ENPEP: variants seen among roughly 807,000 people sequenced by gnomAD.
ENPEP encodes the protein glutamyl aminopeptidase.
ENPEP carries 103 observed loss-of-function variants against 114.5 expected under a neutral mutation model. That is an observed-to-expected ratio of 0.90 (90% CI 0.77 to 1.06). The LOEUF is 1.06. Ranked by LOEUF, ENPEP falls within the 50% of genes least tolerant of loss-of-function variation. ENPEP has a pLI of 0.00. For synonymous variants in ENPEP, 420 were observed against 422.0 expected (o/e 1.00, Z 0.06); for missense variants, 1,196 against 1,161.3 (o/e 1.03, Z -0.43).
chr4:110,541,715 T>C (rs536020127), intron 11 of ENPEP, among the ~76,000 whole-genome samples: 52 of 152,260 alleles, frequency 3.4e-4, no homozygotes, highest in African/African-American at 1.2e-3. Flanking sequence ...AGGCCAGGCT[T>C]TTATTTCCAG....
chr4:110,522,669 G>A (rs1726046441), intron 10 of ENPEP, among the ~76,000 whole-genome samples: 1 of 152,184 alleles, frequency 6.6e-6, no homozygotes, highest in African/African-American at 2.4e-5. Context: ...ATAAGTTAGT[G>A]TGGCATTAGA....
chr4:110,495,754 A>G (rs1724908971), intron 3 of ENPEP, among the ~76,000 whole-genome samples: 1 of 152,138 alleles, frequency 6.6e-6, no homozygotes, highest in South Asian at 2.1e-4. Context: ...TAAATAAATA[A>G]TAAATGGCAC....
chr4:110,561,290 G>A (rs1727668317), intron 19 of ENPEP, 116 bp from the exon 20 acceptor site: 2 of 1,029,686 alleles, frequency 1.9e-6, no homozygotes, highest in Non-Finnish European at 1.5e-6. Flanking sequence ...GCTCAACGTT[G>A]TGCAGTGATA....
At chr4:110,550,974 C>T (rs1727266910) in intron 17 of ENPEP, among the ~76,000 whole-genome samples, 1 of 151,824 alleles carries the variant, frequency 6.6e-6, no homozygotes, top group South Asian at 2.1e-4. Context: ...ATCATCTTGG[C>T]TGGGCACAGT....
rs1439659121 is a variant in ENPEP, at chr4:110,520,364, T to C, written c.1725T>C (p.Leu575=). The C allele has an allele frequency of 4.3e-6, 7 of 1,613,814 alleles. No individual in the cohort carries two copies. The highest frequency in any genetic ancestry group is 5.9e-6 in the Non-Finnish European group (7 of 1,179,856). ...RANPSQPPSD[L]GYTWNIPVKW... is the part of the protein sequence containing the mutation. ...ACCCTTCTCAGCCCCCTTCAGATCT[T>C]GGGTAAGGCTCTATAATGCATTGAA... The change falls in exon 10 of 20, where the codon CTT becomes CTC. Residue 575 remains leucine (L), a splice_region_variant and synonymous_variant. Coordinates refer to ENST00000265162, the MANE Select transcript of ENPEP (RefSeq NM_001977.4).
intron 10 of ENPEP, among the ~76,000 whole-genome samples, chr4:110,524,735 C>G (rs1317115087): frequency 6.6e-6 from 1 of 152,020 alleles, no homozygotes; most frequent in Non-Finnish European, 1.5e-5. Flanking sequence ...ATGTCATTTT[C>G]TCTACTTTGC....
rs1289687213 is a variant in ENPEP at position 110,563,278 on chromosome 4, TA to T, written c.*1724del. ...TCTGTTTTATGAAATTAATACATTTTAAAAGAAAAATGTTAGTTTAAGGGGG... is the reference window on the plus strand; with the variant it reads ...TCTGTTTTATGAAATTAATACATTTTAAAGAAAAATGTTAGTTTAAGGGGG... On this transcript the variant is annotated 3_prime_UTR_variant, in exon 20 of 20. Transcript: ENST00000265162. The T allele has an allele frequency of 6.6e-6, 1 of 152,140 alleles. No individual in the cohort carries two copies. The highest frequency in any genetic ancestry group is 6.5e-5 in the Admixed American group (1 of 15,272). The allele number at this position is 152,140 out of a possible 1,614,324, so 9.4% of individuals were successfully genotyped here. A position where few individuals can be genotyped will look rare whatever the true frequency, so the allele number is the denominator to read the frequency against.
At position 110,491,090 on chromosome 4, in the gene ENPEP, A is replaced by G; in HGVS notation, c.844A>G (p.Met282Val). 2 of 1,612,820 alleles carry G rather than the reference A, an allele frequency of 1.2e-6. No homozygotes were observed. The highest frequency in any genetic ancestry group is 1.7e-6 in the Non-Finnish European group (2 of 1,179,954). Residue 282 changes from methionine (M) to valine (V), a missense_variant, in exon 3 of 20, where the codon ATG becomes GTG. Transcript: ENST00000265162. ...TRTTFEKSVP[M>V]STYLVCFAVH... ...AACAACTTTTGAGAAGTCTGTCCCC[A>G]TGAGCACGTACCTGGTGTGCTTTGC...
At chr4:110,535,421 C>T (rs1200634937) in intron 11 of ENPEP, among the ~76,000 whole-genome samples, 1 of 152,094 alleles carries the variant, frequency 6.6e-6, no homozygotes, top group Non-Finnish European at 1.5e-5. Context: ...AAGAGGGAAG[C>T]ACTTTCTTCA....
At chr4:110,482,098 C>G (rs2110331577) in intron 1 of ENPEP, among the ~76,000 whole-genome samples, 1 of 152,236 alleles carries the variant, frequency 6.6e-6, no homozygotes. Context: ...GAAATTACCC[C>G]ATGACTTTTT....
chr4:110,513,502 A>G lies in ENPEP; in HGVS notation c.1396A>G (p.Thr466Ala). The G allele has an allele frequency of 1.2e-6, 2 of 1,613,436 alleles. No homozygotes were observed. Among genetic ancestry groups the G allele is most frequent in the Non-Finnish European group, 1.7e-6 (2 of 1,179,592 alleles). ...SSHPIIVTVT[T>A]PDEITSVFDG... ...GCATCCAATTATTGTGACTGTGACA[A>G]CCCCTGATGAAATAACATCTGTTTT... Residue 466 changes from threonine (T) to alanine (A), a missense_variant, in exon 7 of 20, where the codon ACC (threonine) becomes GCC (alanine). Thr to Ala is a moderately conservative substitution (Grantham distance 58). Transcript: ENST00000265162.
rs57018087 is a variant in ENPEP, at chr4:110,505,312, G to GA, written c.919-1313dup. The stretch of plus-strand genomic sequence containing the variant: ...AGAAAATGTATCATCACTTCTGTAA[G>GA]AAAAAAAAAAAACTTCTAAGAGTAT... On this transcript the variant is annotated intron_variant, in intron 3 of 19. Coordinates refer to ENST00000265162, the MANE Select transcript of ENPEP (RefSeq NM_001977.4). Among the ~76,000 whole-genome samples, 152 of 144,220 alleles carry GA rather than the reference G, an allele frequency of 1.1e-3. 1 individual carries two copies. Among genetic ancestry groups the GA allele is most frequent in the South Asian group, 3.3e-3 (15 of 4,546 alleles). The allele number at this position is 144,220 out of a possible 152,430, so 94.6% of individuals were successfully genotyped here.
At chr4:110,484,476 G>C (rs60371652) in intron 1 of ENPEP, among the ~76,000 whole-genome samples, 23,422 of 151,792 alleles carry the variant, frequency 0.15, 2,496 homozygotes, top group African/African-American at 0.3. Context: ...GAATGTCACT[G>C]TATCTATATC....
At chr4:110,511,339 C>A (rs1193724886) in intron 6 of ENPEP, among the ~76,000 whole-genome samples, 1 of 151,876 alleles carries the variant, frequency 6.6e-6, no homozygotes, top group Non-Finnish European at 1.5e-5. Flanking sequence ...CTTTCCTGTG[C>A]GTTATAGGAT....
Position 110,509,745 on chromosome 4 carries a change from G to T in ENPEP, c.1132G>T (p.Glu378Ter), listed in dbSNP as rs769060274. ...AACGAACCTGCTTTATGACCCTAAG[G>T]AATCAGCCTCATCAAACCAACAGAG... Reference protein sequence around the residue: ...RETNLLYDPKESASSNQQRVA... With the variant: ...RETNLLYDPK The change falls in exon 5 of 20, where the codon GAA (glutamate) becomes TAA (stop). Residue 378 changes from glutamate (E) to a stop codon, truncating the protein, a stop_gained. Coordinates refer to ENST00000265162, the MANE Select transcript of ENPEP (RefSeq NM_001977.4). LOFTEE classifies it high-confidence loss of function. 1.2e-6 allele frequency: 2 copies of T among 1,614,178 alleles called. No homozygotes were observed. Among genetic ancestry groups the T allele is most frequent in the East Asian group, 2.2e-5 (1 of 44,872 alleles).
intron 10 of ENPEP, among the ~76,000 whole-genome samples, chr4:110,520,766 G>C (rs1725959146): frequency 6.6e-6 from 1 of 152,190 alleles, no homozygotes. Flanking sequence ...TCTAGGTACA[G>C]TGTTAGCATG....
intron 6 of ENPEP, among the ~76,000 whole-genome samples, 177 bp downstream of exon 6, chr4:110,510,535 ACCTAG>A (rs1274665303): frequency 6.6e-6 from 1 of 151,796 alleles, no homozygotes; most frequent in Admixed American, 6.6e-5. Flanking sequence ...TTGCCCCAGT[ACCTAG>A]AAGGGCAGCT....
chr4:110,485,825 GTT>G (rs796072476), intron 1 of ENPEP, among the ~76,000 whole-genome samples: 1 of 144,998 alleles, frequency 6.9e-6, no homozygotes. Flanking sequence ...TAAGTTTTTT[GTT>G]TTTTTTTTTC....
chr4:110,528,110 T>A (rs983850725), intron 10 of ENPEP, among the ~76,000 whole-genome samples: 6 of 152,224 alleles, frequency 3.9e-5, no homozygotes, highest in Non-Finnish European at 8.8e-5. Context: ...TGTCTTCAGT[T>A]TCCACCTTCA....
Sources: allele counts gnomAD v4.1 joint callset (sites outside exome capture counted in the v4.1 genomes callset), GRCh38; gene constraint gnomAD v4.1.1; transcripts MANE v1.5; gene names NCBI Gene and HGNC (gene_info 2026-07-23, HGNC 2026-07-21).